ERG: variants seen among roughly 807,000 people sequenced by gnomAD.
The protein encoded by ERG is ETS transcription factor ERG.
Under a neutral mutation model 55.3 loss-of-function variants are expected in ERG, and 9 were observed. The ratio of observed to expected loss-of-function variants is 0.16; its 90% confidence interval spans 0.10 to 0.28. The LOEUF (loss-of-function observed/expected upper bound fraction) is 0.28. Ranked by LOEUF, ERG falls within the 10% of genes least tolerant of loss-of-function variation. ERG has a pLI of 1.00. For missense variants in ERG, 434 were observed against 631.6 expected (o/e 0.69, Z 3.35); for synonymous variants, 223 against 237.3 (o/e 0.94, Z 0.55).
intron 1 of ERG, among the ~76,000 whole-genome samples, chr21:38,591,206 C>A (rs2146894400): frequency 6.6e-6 from 1 of 152,286 alleles, no homozygotes. Flanking sequence ...GATTCATGTC[C>A]AGGAGAAAGT....
intron 2 of ERG, among the ~76,000 whole-genome samples, chr21:38,572,605 A>G (rs1465154365): frequency 6.6e-6 from 1 of 152,176 alleles, no homozygotes; most frequent in East Asian, 1.9e-4. Flanking sequence ...TGGGATTTTG[A>G]TAGGTTTATA....
chr21:38,390,435 C>A (rs899662539), intron 9 of ERG, among the ~76,000 whole-genome samples: 1 of 152,158 alleles, frequency 6.6e-6, no homozygotes, highest in African/African-American at 2.4e-5. Context: ...AAGAATGTGA[C>A]CTTTTTTGGA....
At chr21:38,572,809 T>C (rs1306984476) in intron 2 of ERG, among the ~76,000 whole-genome samples, 15 of 152,176 alleles carry the variant, frequency 9.9e-5, no homozygotes, top group Non-Finnish European at 1.5e-5. Context: ...ATGATGATGA[T>C]ATTATATATT....
At chr21:38,501,534 C>A (rs1331126169), upstream of ERG, among the ~76,000 whole-genome samples, 1 of 152,154 alleles carries the variant, frequency 6.6e-6, no homozygotes, top group Non-Finnish European at 1.5e-5. Flanking sequence ...AGCCTAAGAA[C>A]CAGGCTGCCT....
At chr21:38,646,133 C>T (rs2060454891) in intron 1 of ERG, among the ~76,000 whole-genome samples, 1 of 151,952 alleles carries the variant, frequency 6.6e-6, no homozygotes. Context: ...ATTAAAAAAT[C>T]AGCTGGGTAT....
Position 38,380,558 on chromosome 21 carries a change from G to T in ERG, c.*2845C>A. 1 of 1,065,856 alleles carries T rather than the reference G, an allele frequency of 9.4e-7. No individual in the cohort carries two copies. Among genetic ancestry groups the T allele is most frequent in the Non-Finnish European group, 1.1e-6 (1 of 879,634 alleles). The allele number at this position is 1,065,856 out of a possible 1,614,324, so 66.0% of individuals were successfully genotyped here. A position where few individuals can be genotyped will look rare whatever the true frequency, so the allele number is the denominator to read the frequency against. ...ATACATCAGGGCAAGCCAAGAGACA[G>T]GGACAAACAGAGAGAAAAGGTTCAT... On this transcript the variant is annotated 3_prime_UTR_variant, in exon 10 of 10. Coordinates refer to ENST00000288319, the MANE Select transcript of ERG (RefSeq NM_182918.4).
At chr21:38,637,497 AC>A (rs1387229864) in intron 1 of ERG, among the ~76,000 whole-genome samples, 1 of 152,174 alleles carries the variant, frequency 6.6e-6, no homozygotes, top group African/African-American at 2.4e-5. Flanking sequence ...AAGTTACCTA[AC>A]ATTTCTGAGC....
intron 1 of ERG, among the ~76,000 whole-genome samples, chr21:38,622,953 AC>A (rs1308029334): frequency 6.6e-3 from 23 of 3,492 alleles, no homozygotes; most frequent in African/African-American, 0.022. Flanking sequence ...ACACACACAC[AC>A]ATCAGCACAC....
chr21:38,583,962 G>A (rs182110959), intron 1 of ERG, among the ~76,000 whole-genome samples: 8 of 152,326 alleles, frequency 5.3e-5, no homozygotes, highest in African/African-American at 1.4e-4. Flanking sequence ...CACTGGGAAA[G>A]GAAATCACCT....
At chr21:38,376,304 G>A (rs77434375), downstream of ERG, among the ~76,000 whole-genome samples, 1 of 152,172 alleles carries the variant, frequency 6.6e-6, no homozygotes, top group East Asian at 1.9e-4. Context: ...ATGTGAATCT[G>A]GGCCTGTTGT....
rs1987457873 is a variant in ERG, at chr21:38,381,914, G to A, written c.*1489C>T. 12 of 1,063,238 alleles carry A rather than the reference G, an allele frequency of 1.1e-5. No individual in the cohort carries two copies. The highest frequency in any genetic ancestry group is 1.3e-5 in the Non-Finnish European group (11 of 877,944). The allele number at this position is 1,063,238 out of a possible 1,614,324, so 65.9% of individuals were successfully genotyped here. ...CATCCTATTTCCTTGGCTCTCCCTT[G>A]CACAAGTTCCTGGACAAAGTAAATT... On this transcript the variant is annotated 3_prime_UTR_variant, in exon 10 of 10. Coordinates refer to ENST00000288319, the MANE Select transcript of ERG (RefSeq NM_182918.4).
intron 1 of ERG, among the ~76,000 whole-genome samples, chr21:38,479,570 G>A (rs1415621349): frequency 3.9e-5 from 6 of 152,202 alleles, no homozygotes; most frequent in Non-Finnish European, 7.3e-5. Context: ...GAAGAAGGTC[G>A]TGGGATGACA....
chr21:38,575,595 C>G, intron 2 of ERG: 1 of 1,143,572 alleles, frequency 8.7e-7, no homozygotes, highest in South Asian at 1.2e-5. Context: ...GATATGTGGG[C>G]TGCTATCCAT....
chr21:38,598,518 A>G (rs976626083), intron 1 of ERG, among the ~76,000 whole-genome samples: 1 of 152,200 alleles, frequency 6.6e-6, no homozygotes. Flanking sequence ...ATGCCACATA[A>G]GTAACTGAGT....
rs941389658 is a variant in ERG, at chr21:38,382,437, C to G, written c.*966G>C. 9.4e-7 allele frequency: 1 copy of G among 1,062,062 alleles called. No individual in the cohort carries two copies. Among genetic ancestry groups the G allele is most frequent in the African/African-American group, 1.6e-5 (1 of 60,944 alleles). 65.8% of individuals were successfully genotyped at this position (1,062,062 alleles called of 1,614,324 possible). On this transcript the variant is annotated 3_prime_UTR_variant, in exon 10 of 10. Transcript: ENST00000288319. ...CTGAATGTTTCTCTTAAATATCAGACAATTCCAGTTAAAATTTTCATTTGA... is the reference window on the plus strand; with the variant it reads ...CTGAATGTTTCTCTTAAATATCAGAGAATTCCAGTTAAAATTTTCATTTGA...
chr21:38,419,766 G>C (rs989891634), intron 3 of ERG, among the ~76,000 whole-genome samples: 1 of 150,132 alleles, frequency 6.7e-6, no homozygotes. Context: ...GCTTTTTTTT[G>C]ACACTTTTTT....
At chr21:38,477,194 T>C (rs1224480648) in intron 1 of ERG, among the ~76,000 whole-genome samples, 1 of 152,016 alleles carries the variant, frequency 6.6e-6, no homozygotes, top group African/African-American at 2.4e-5. Flanking sequence ...TTCTGTTTTT[T>C]GTAGAGACAA....
chr21:38,484,264 C>T (rs1174843688), intron 1 of ERG, among the ~76,000 whole-genome samples: 3 of 152,122 alleles, frequency 2.0e-5, no homozygotes, highest in South Asian at 2.1e-4. Flanking sequence ...CGCGCCCGGT[C>T]GGGGTTCTAT....
intron 1 of ERG, among the ~76,000 whole-genome samples, chr21:38,612,768 A>G (rs1241142464): frequency 6.7e-6 from 1 of 149,852 alleles, no homozygotes; most frequent in Non-Finnish European, 1.5e-5. Flanking sequence ...GGTTCAGGCG[A>G]TTCTCCTGCC....
Sources: allele counts gnomAD v4.1 joint callset (sites outside exome capture counted in the v4.1 genomes callset), GRCh38; gene constraint gnomAD v4.1.1; transcripts MANE v1.5; gene names NCBI Gene and HGNC (gene_info 2026-07-23, HGNC 2026-07-21).